IDE: variants seen among roughly 807,000 people sequenced by gnomAD.
The protein encoded by IDE is insulin degrading enzyme.
Under a neutral mutation model 133.2 loss-of-function variants are expected in IDE, and 58 were observed. The ratio of observed to expected loss-of-function variants is 0.44; its 90% CI spans 0.35 to 0.54. The LOEUF (loss-of-function observed/expected upper bound fraction) is 0.54, where lower values mean the gene tolerates loss of function less well. Among genes scored for constraint, IDE ranks in the 20% least tolerant of loss-of-function variants. IDE has a pLI of 0.00. For synonymous variants in IDE, 396 were observed against 421.3 expected, an observed-to-expected ratio of 0.94 and a Z score of 0.73; for missense variants, 981 against 1,234.0, an observed-to-expected ratio of 0.79 and a Z score of 3.07.
intron 22 of IDE, among the ~76,000 whole-genome samples, chr10:92,458,230 G>A (rs1462399288): frequency 6.6e-6 from 1 of 152,158 alleles, no homozygotes; most frequent in Non-Finnish European, 1.5e-5. Context: ...TGTAAAAAAG[G>A]ATGCATGGTG....
chr10:92,483,815 T>C (rs1014158432), intron 13 of IDE, among the ~76,000 whole-genome samples: 2 of 152,188 alleles, frequency 1.3e-5, no homozygotes, highest in African/African-American at 2.4e-5. Context: ...ATTAATGGTA[T>C]ACCTCTGAGA....
intron 6 of IDE, 78 bp from the exon 7 acceptor site, chr10:92,508,968 T>A: frequency 8.3e-7 from 1 of 1,204,914 alleles, no homozygotes; most frequent in East Asian, 2.4e-5. Flanking sequence ...GAAGAATGAT[T>A]TTCATGGGAG....
At chr10:92,530,637 C>T (rs1020503382) in intron 4 of IDE, among the ~76,000 whole-genome samples, 1 of 152,162 alleles carries the variant, frequency 6.6e-6, no homozygotes, top group East Asian at 1.9e-4. Flanking sequence ...ACCATGTATA[C>T]TGATGTTCTC....
chr10:92,493,687 A>C (rs1422804912), intron 11 of IDE, among the ~76,000 whole-genome samples: 1 of 152,204 alleles, frequency 6.6e-6, no homozygotes, highest in African/African-American at 2.4e-5. Flanking sequence ...TAACATTTGA[A>C]ATGTTATTAT....
chr10:92,567,890 G>C (rs553053021), intron 1 of IDE, among the ~76,000 whole-genome samples: 2 of 152,294 alleles, frequency 1.3e-5, no homozygotes, highest in South Asian at 4.1e-4. Context: ...AGGATCACTT[G>C]AGCCCAGGAG....
chr10:92,520,813 C>T (rs773667817), intron 4 of IDE, among the ~76,000 whole-genome samples: 14 of 152,156 alleles, frequency 9.2e-5, no homozygotes, highest in Non-Finnish European at 1.9e-4. Flanking sequence ...CTTGATTGGT[C>T]CAGCTCTTGT....
intron 1 of IDE, among the ~76,000 whole-genome samples, chr10:92,549,873 A>G (rs1842702043): frequency 6.6e-6 from 1 of 152,152 alleles, no homozygotes; most frequent in Admixed American, 6.6e-5. Context: ...TTTAGACACA[A>G]AATGACCATG....
At chr10:92,499,720 T>C (rs999063994) in intron 11 of IDE, among the ~76,000 whole-genome samples, 1 of 152,186 alleles carries the variant, frequency 6.6e-6, no homozygotes, top group South Asian at 2.1e-4. Context: ...TGTGAACCAC[T>C]GTGCACGGTC....
At chr10:92,520,863 G>A (rs918000234) in intron 4 of IDE, among the ~76,000 whole-genome samples, 5 of 152,064 alleles carry the variant, frequency 3.3e-5, no homozygotes, top group Admixed American at 6.5e-5. Flanking sequence ...ACATATCCCA[G>A]TAACGAGAAA....
intron 1 of IDE, among the ~76,000 whole-genome samples, chr10:92,554,310 T>C (rs1294741094): frequency 6.6e-6 from 1 of 152,008 alleles, no homozygotes; most frequent in Non-Finnish European, 1.5e-5. Flanking sequence ...TCCCAGCATT[T>C]TGGGAGGCTG....
At chr10:92,560,683 T>C (rs1376377133) in intron 1 of IDE, among the ~76,000 whole-genome samples, 6 of 151,912 alleles carry the variant, frequency 3.9e-5, no homozygotes, top group South Asian at 4.2e-4. Flanking sequence ...CTCAGGAGGC[T>C]GAGGCAGAAG....
chr10:92,495,057 T>C (rs1847600685), intron 11 of IDE, among the ~76,000 whole-genome samples: 1 of 152,022 alleles, frequency 6.6e-6, no homozygotes, highest in Non-Finnish European at 1.5e-5. Context: ...GTTTCATTAA[T>C]TTTTAATTTT....
rs537086763 is a variant in IDE at position 92,478,184 on chromosome 10, A to G, written c.1884+1093T>C. On this transcript the variant is annotated intron_variant, in intron 15 of 24. Transcript: ENST00000265986. ...TAAATGCTTATTTTAAAACACACAT[A>G]AAGTAGGTAATGGTGCATGCTACAA... Among the ~76,000 whole-genome samples, 5 of 152,358 alleles carry G rather than the reference A, an allele frequency of 3.3e-5. No individual in the cohort carries two copies. The East Asian group carries it at 5.8e-4, about 18-fold the overall frequency.
At chr10:92,559,091 G>C (rs151252796) in intron 1 of IDE, 7 of 152,246 alleles carry the variant, frequency 4.6e-5, no homozygotes, top group African/African-American at 1.4e-4. Flanking sequence ...ATACCCACCA[G>C]GATGGCTTAT....
rs575946256 is a variant in IDE at position 92,532,813 on chromosome 10, A to G, written c.492-896T>C. Among the ~76,000 whole-genome samples, 4 of 152,312 alleles carry G rather than the reference A, an allele frequency of 2.6e-5. No individual in the cohort carries two copies. The South Asian group carries it at 6.2e-4, about 24-fold the overall frequency. On this transcript the variant is annotated intron_variant, in intron 3 of 24. Transcript: ENST00000265986. Reference sequence around the variant, plus strand: ...CAGAGGCTCTGAATAGGACTACTTTATTCAGTGGGCCTAAGGAACTCTTGG... The same window carrying G: ...CAGAGGCTCTGAATAGGACTACTTTGTTCAGTGGGCCTAAGGAACTCTTGG...
chr10:92,452,074 C>A lies in IDE; in HGVS notation c.*2370G>T, dbSNP rs1844771154. 1 of 152,156 alleles carries A rather than the reference C, an allele frequency of 6.6e-6. No individual in the cohort carries two copies. The highest frequency in any genetic ancestry group is 2.1e-4 in the South Asian group (1 of 4,828). The allele number at this position is 152,156 out of a possible 1,614,324, so 9.4% of individuals were successfully genotyped here. A position where few individuals can be genotyped will look rare whatever the true frequency, so the allele number is the denominator to read the frequency against. ...ATTGAGTCTTCTATTTGACAAAAAT[C>A]ATTGTTACCCAGAAACACTTTTAAA... On this transcript the variant is annotated 3_prime_UTR_variant, in exon 25 of 25. Transcript: ENST00000265986.
chr10:92,556,279 G>T (rs1589536866), intron 1 of IDE, among the ~76,000 whole-genome samples: 1 of 151,166 alleles, frequency 6.6e-6, no homozygotes, highest in South Asian at 2.1e-4. Flanking sequence ...TTTCCATACA[G>T]TAGCAATGAA....
At chr10:92,511,658 G>A (rs1589448714) in intron 5 of IDE, among the ~76,000 whole-genome samples, 1 of 151,292 alleles carries the variant, frequency 6.6e-6, no homozygotes, top group East Asian at 2.0e-4. Flanking sequence ...GTAGGCATTT[G>A]CATTTTATTT....
intron 2 of IDE, among the ~76,000 whole-genome samples, chr10:92,535,904 C>T (rs889270572): frequency 1.3e-5 from 2 of 151,684 alleles, no homozygotes; most frequent in African/African-American, 4.8e-5. Flanking sequence ...GGCGTGGTGG[C>T]GGGCGCCTAT....
Sources: gnomAD v4.1 joint callset for allele counts (sites outside exome capture counted in the v4.1 genomes callset) on GRCh38, gnomAD v4.1.1 for gene constraint, MANE v1.5 for transcripts, NCBI Gene and HGNC (gene_info 2026-07-23, HGNC 2026-07-21) for gene names.